BCAR1: variants seen among roughly 807,000 people sequenced by gnomAD.
BCAR1 encodes the protein breast cancer anti-estrogen resistance protein 1.
A neutral mutation model predicts 67.6 loss-of-function variants in BCAR1; 30 were observed. That is an observed-to-expected ratio of 0.44 (90% CI 0.33 to 0.60). BCAR1 has a LOEUF of 0.60. Ranked by LOEUF, BCAR1 falls within the 20% of genes least tolerant of loss-of-function variation. BCAR1 has a pLI of 0.02. For synonymous variants in BCAR1, 626 were observed against 556.7 expected (o/e 1.12, Z -1.75); for missense variants, 1,313 against 1,222.3 (o/e 1.07, Z -1.11).
intron 6 of BCAR1, among the ~76,000 whole-genome samples, chr16:75,231,700 A>T (rs2076906828): frequency 6.6e-6 from 1 of 152,248 alleles, no homozygotes; most frequent in South Asian, 2.1e-4. Context: ...TATTCATCAC[A>T]GCACTGTTCA....
chr16:75,233,166 G>GT (rs1282926133), intron 6 of BCAR1, among the ~76,000 whole-genome samples: 1 of 152,156 alleles, frequency 6.6e-6, no homozygotes, highest in African/African-American at 2.4e-5. Flanking sequence ...GAGCCCAGGT[G>GT]TTTGAGACCA....
intron 1 of BCAR1, chr16:75,251,002 G>A (rs2077664072): frequency 1.0e-6 from 1 of 985,412 alleles, no homozygotes; most frequent in Non-Finnish European, 1.2e-6. Flanking sequence ...CCACGCACTT[G>A]CCCGCCCGGC....
At chr16:75,254,032 C>T (rs1281468756), upstream of BCAR1, among the ~76,000 whole-genome samples, 1 of 151,770 alleles carries the variant, frequency 6.6e-6, no homozygotes, top group African/African-American at 2.4e-5. Flanking sequence ...AACTCCTGAC[C>T]TCAAGTGATT....
intron 1 of BCAR1, among the ~76,000 whole-genome samples, chr16:75,259,068 C>T (rs1474636168): frequency 6.6e-6 from 1 of 152,156 alleles, no homozygotes. Flanking sequence ...CAGGCCCTGG[C>T]GAAACACAGA....
At chr16:75,261,605 C>T (rs1418258948) in intron 1 of BCAR1, among the ~76,000 whole-genome samples, 1 of 152,268 alleles carries the variant, frequency 6.6e-6, no homozygotes, top group Non-Finnish European at 1.5e-5. Flanking sequence ...TGCGATGGGG[C>T]CAGCTGGTTG....
chr16:75,239,731 A>G (rs2077272005), intron 2 of BCAR1, among the ~76,000 whole-genome samples: 1 of 151,878 alleles, frequency 6.6e-6, no homozygotes, highest in South Asian at 2.1e-4. Flanking sequence ...GGCTCACCCG[A>G]CCTGGGTCAT....
intron 1 of BCAR1, among the ~76,000 whole-genome samples, chr16:75,260,140 G>A (rs1426397003): frequency 6.6e-6 from 1 of 152,166 alleles, no homozygotes; most frequent in African/African-American, 2.4e-5. Flanking sequence ...GTTGCAGTGA[G>A]CCGAGATCCT....
intron 1 of BCAR1, chr16:75,248,140 C>A: frequency 6.3e-7 from 1 of 1,594,278 alleles, no homozygotes; most frequent in South Asian, 1.1e-5. Context: ...GAGGCCGACC[C>A]CAGGCTGAGA....
Position 75,242,834 on chromosome 16 carries a change from T to G in BCAR1, c.269A>C (p.His90Pro). 1 of 1,607,206 alleles carries G rather than the reference T, an allele frequency of 6.2e-7. No individual in the cohort carries two copies. The highest frequency in any genetic ancestry group is 8.5e-7 in the Non-Finnish European group (1 of 1,177,798). The stretch of plus-strand genomic sequence containing the variant: ...CTGGGAGGCCGGAGGCGCTGGGGCA[T>G]GGAGGCCAGGCTGAGGCTGGGCCGG... ...ATPAQPQPGL[H>P]APAPPASQYT... The change falls in exon 2 of 7, where the codon CAT becomes CCT. Residue 90 changes from histidine (H) to proline (P), a missense_variant. Coordinates refer to ENST00000162330, the MANE Select transcript of BCAR1 (RefSeq NM_014567.5).
intron 4 of BCAR1, 100 bp downstream of exon 4, chr16:75,236,782 C>A (rs770549029): frequency 1.2e-5 from 17 of 1,457,388 alleles, no homozygotes; most frequent in Non-Finnish European, 1.4e-5. Context: ...TTCCTGCCCG[C>A]CACCCCCAGC....
chr16:75,267,856 C>A, intron 1 of BCAR1: 1 of 1,538,968 alleles, frequency 6.5e-7, no homozygotes, highest in South Asian at 1.2e-5. Context: ...TTATTTAGGG[C>A]ATCAGTAACT....
intron 2 of BCAR1, among the ~76,000 whole-genome samples, chr16:75,241,166 T>C (rs1300428389): frequency 2.0e-5 from 3 of 152,232 alleles, no homozygotes; most frequent in Non-Finnish European, 4.4e-5. Flanking sequence ...GGGGTGAGTA[T>C]GCACGTGTGT....
At chr16:75,258,145 G>A (rs1263153747) in intron 1 of BCAR1, among the ~76,000 whole-genome samples, 1 of 152,192 alleles carries the variant, frequency 6.6e-6, no homozygotes, top group African/African-American at 2.4e-5. Flanking sequence ...GGGCACCAGG[G>A]CGCACCTTCC....
chr16:75,255,667 G>A (rs1248932999), upstream of BCAR1, among the ~76,000 whole-genome samples: 3 of 151,498 alleles, frequency 2.0e-5, no homozygotes, highest in African/African-American at 7.3e-5. Context: ...CTCCAGCCTG[G>A]GCGATAGAGC....
rs2077404409 is a variant in BCAR1 at position 75,242,989 on chromosome 16, C to T, written c.114G>A (p.Gln38=). Residue 38 remains glutamine, a synonymous_variant, in exon 2 of 7, where the codon CAG becomes CAA. Transcript: ENST00000162330. ...AGCAGAGCCACCAGCCGTCCAGGCC[C>T]TGCGTGTCCTGCTCCAGCACCGTCA... ...DIMTVLEQDT[Q]GLDGWWLCSL... is the part of the protein sequence containing the mutation. 1 of 1,613,638 alleles carries T rather than the reference C, an allele frequency of 6.2e-7. No individual in the cohort carries two copies. Among genetic ancestry groups the T allele is most frequent in the Non-Finnish European group, 8.5e-7 (1 of 1,179,934 alleles).
At position 75,235,983 on chromosome 16, in the gene BCAR1, A is replaced by G. The variant is rs1482973176; in HGVS notation, c.916T>C (p.Tyr306His). Residue 306 changes from tyrosine to histidine, a missense_variant, in exon 5 of 7, where the codon TAC (tyrosine) becomes CAC (histidine). Physicochemically the swap from Tyr to His is moderately conservative, Grantham distance 83. Coordinates refer to ENST00000162330, the MANE Select transcript of BCAR1 (RefSeq NM_014567.5). ...GLPPSNHHAV[Y>H]DVPPSVSKDV... ...TTGCTCACCGATGGAGGAACGTCGTAGACCTGGGGGACAAGCGGTGGTCAA... is the reference window on the plus strand; with the variant it reads ...TTGCTCACCGATGGAGGAACGTCGTGGACCTGGGGGACAAGCGGTGGTCAA... 2 of 1,570,152 alleles carry G rather than the reference A, an allele frequency of 1.3e-6. No individual in the cohort carries two copies. Among genetic ancestry groups the G allele is most frequent in the Non-Finnish European group, 8.6e-7 (1 of 1,157,152 alleles).
At position 75,247,909 on chromosome 16, in the gene BCAR1, C is replaced by G. The variant is rs777803521; in HGVS notation, c.12+3562G>C. ...CCAAGACCCCAGGGTTGGGGGCAGACAAGGAAATGGGTAATAGTGCCACAC... is the reference window on the plus strand; with the variant it reads ...CCAAGACCCCAGGGTTGGGGGCAGAGAAGGAAATGGGTAATAGTGCCACAC... On this transcript the variant is annotated intron_variant, in intron 1 of 6. Transcript: ENST00000162330. 7.1e-4 allele frequency: 512 copies of G among 720,210 alleles called. 1 individual carries two copies. The highest frequency in any genetic ancestry group is 6.1e-3 in the Middle Eastern group (26 of 4,246). 44.6% of individuals were successfully genotyped at this position (720,210 alleles called of 1,614,324 possible). A position where few individuals can be genotyped will look rare whatever the true frequency, so the allele number is the denominator to read the frequency against.
At position 75,244,826 on chromosome 16, in the gene BCAR1, T is replaced by G. The variant is rs138032609; in HGVS notation, c.13-1736A>C. Among the ~76,000 whole-genome samples the G allele has an allele frequency of 8.5e-5, 13 of 152,240 alleles. No individual in the cohort carries two copies. In the East Asian group the frequency reaches 2.3e-3, roughly 27 times the overall value. On this transcript the variant is annotated intron_variant, in intron 1 of 6. Transcript: ENST00000162330. ...GCTGCAACACTGTCCACACCATGAT[T>G]ACAACAAAATGAAAAAGGCACTCAA...
Position 75,235,551 on chromosome 16 carries a change from C to T in BCAR1, c.1348G>A (p.Gly450Ser). 2 of 1,594,048 alleles carry T rather than the reference C, an allele frequency of 1.3e-6. No individual in the cohort carries two copies. Among genetic ancestry groups the T allele is most frequent in the Non-Finnish European group, 1.7e-6 (2 of 1,171,000 alleles). The change falls in exon 5 of 7, where the codon GGC becomes AGC. Residue 450 changes from glycine (G) to serine (S), a missense_variant. Transcript: ENST00000162330. ...SASSLEVAGP[G>S]REPLELEVAV... ...ACTTCCAGCTCCAGGGGTTCCCGGC[C>T]CGGCCCTGCCACCTCCAAGGAGGAC...
Sources: allele counts gnomAD v4.1 joint callset (sites outside exome capture counted in the v4.1 genomes callset), GRCh38; gene constraint gnomAD v4.1.1; transcripts MANE v1.5; gene names NCBI Gene and HGNC (gene_info 2026-07-23, HGNC 2026-07-21).